ADGRA3: variants seen among roughly 807,000 people sequenced by gnomAD.
ADGRA3 encodes the protein G-protein coupled receptor 125.
In ADGRA3, 56 loss-of-function variants were observed where a neutral mutation model predicts 119.8. The observed-to-expected ratio is 0.47, with a 90% confidence interval of 0.38 to 0.58. ADGRA3 has a LOEUF of 0.58. Ranked by LOEUF, ADGRA3 falls within the 20% of genes least tolerant of loss-of-function variation. The pLI, the probability that ADGRA3 is intolerant of heterozygous loss-of-function variation, is 0.00. For synonymous variants in ADGRA3, 607 were observed against 623.8 expected, an observed-to-expected ratio of 0.97 and a Z score of 0.40; for missense variants, 1,516 against 1,649.0, an observed-to-expected ratio of 0.92 and a Z score of 1.40.
intron 10 of ADGRA3, among the ~76,000 whole-genome samples, chr4:22,434,292 CTTA>C (rs1397892222): frequency 6.6e-6 from 1 of 150,688 alleles, no homozygotes; most frequent in Non-Finnish European, 1.5e-5. Flanking sequence ...GAAAATAAGG[CTTA>C]TTATTTACAT....
chr4:22,494,857 A>AC (rs529953654), intron 1 of ADGRA3, among the ~76,000 whole-genome samples: 54 of 151,842 alleles, frequency 3.6e-4, no homozygotes, highest in South Asian at 3.3e-3. Flanking sequence ...ATTTCAGTAG[A>AC]CCCCCCTTAT....
At chr4:22,428,503 TAAC>T (rs1716031978) in intron 10 of ADGRA3, among the ~76,000 whole-genome samples, 1 of 152,216 alleles carries the variant, frequency 6.6e-6, no homozygotes, top group African/African-American at 2.4e-5. Context: ...TTGTTCATTC[TAAC>T]AACCAGAAAA....
chr4:22,437,359 A>C (rs1577348246), intron 8 of ADGRA3, among the ~76,000 whole-genome samples: 1 of 152,332 alleles, frequency 6.6e-6, no homozygotes, highest in East Asian at 1.9e-4. Context: ...TGGATTTAAA[A>C]GATTAACACC....
rs949972678 is a variant in ADGRA3, at chr4:22,402,020, G to A, written c.2358-466C>T. ...TAAAATGTTGAAGTCTTTCTTTTTAGTAATATATATCAAAATCTCCTTTTG... is the reference window on the plus strand; with the variant it reads ...TAAAATGTTGAAGTCTTTCTTTTTAATAATATATATCAAAATCTCCTTTTG... On this transcript the variant is annotated intron_variant, in intron 15 of 18. Coordinates refer to ENST00000334304, the MANE Select transcript of ADGRA3 (RefSeq NM_145290.4). Among the ~76,000 whole-genome samples the A allele has an allele frequency of 2.0e-5, 3 of 152,150 alleles. No individual in the cohort carries two copies. The South Asian group carries it at 6.2e-4, about 32-fold the overall frequency.
Position 22,461,740 on chromosome 4 carries a change from C to T in ADGRA3, c.398G>A (p.Arg133Lys). Reference sequence around the variant, plus strand: ...AGCAAGCAATTCAAACACTTACAATCTTTTTAGAGATGACAGTCCCCAGAA... The same window carrying T: ...AGCAAGCAATTCAAACACTTACAATTTTTTTAGAGATGACAGTCCCCAGAA... ...GAFWGLSSLKRLDLTNNRIGC... is the reference protein window; with the variant it reads ...GAFWGLSSLKKLDLTNNRIGC... Residue 133 changes from arginine to lysine, a missense_variant, in exon 3 of 19, where the codon AGA (arginine) becomes AAA (lysine). Physicochemically the swap from Arg to Lys is conservative, Grantham distance 26. Around this residue, in one of 2 missense-constraint regions of ADGRA3, gnomAD observed 428 missense variants for 541.9 expected, o/e 0.79. Coordinates refer to ENST00000334304, the MANE Select transcript of ADGRA3 (RefSeq NM_145290.4). 6.3e-7 allele frequency: 1 copy of T among 1,599,348 alleles called. No individual in the cohort carries two copies. Among genetic ancestry groups the T allele is most frequent in the Non-Finnish European group, 8.6e-7 (1 of 1,169,508 alleles).
intron 2 of ADGRA3, among the ~76,000 whole-genome samples, chr4:22,472,182 T>G (rs1217680020): frequency 1.3e-5 from 2 of 152,212 alleles, no homozygotes; most frequent in Non-Finnish European, 2.9e-5. Context: ...ACATACTAAA[T>G]GCCTGACACT....
chr4:22,504,956 C>T (rs1431395936), intron 1 of ADGRA3, among the ~76,000 whole-genome samples: 1 of 152,148 alleles, frequency 6.6e-6, no homozygotes, highest in Non-Finnish European at 1.5e-5. Flanking sequence ...GATTCAAACG[C>T]AAGGTTGAAA....
chr4:22,439,052 C>T (rs10022239), intron 7 of ADGRA3, among the ~76,000 whole-genome samples: 11,957 of 152,158 alleles, frequency 0.079, 553 homozygotes, highest in South Asian at 0.1. Context: ...GAAACATCGT[C>T]GTACATTCTT....
intron 1 of ADGRA3, among the ~76,000 whole-genome samples, chr4:22,506,039 G>A (rs944188563): frequency 6.6e-5 from 10 of 152,082 alleles, no homozygotes; most frequent in East Asian, 5.8e-4. Context: ...TGAAAGTTTC[G>A]GTCTTTGGCC....
At chr4:22,464,473 T>TA in intron 2 of ADGRA3, among the ~76,000 whole-genome samples, 1 of 152,250 alleles carries the variant, frequency 6.6e-6, no homozygotes, top group African/African-American at 2.4e-5. Context: ...TAACTTGGAG[T>TA]AAAAAGACGG....
intron 7 of ADGRA3, among the ~76,000 whole-genome samples, chr4:22,442,409 A>G (rs912430047): frequency 2.6e-5 from 4 of 152,178 alleles, no homozygotes; most frequent in Admixed American, 1.3e-4. Flanking sequence ...AAACTTTAAA[A>G]AAGTCTTCAA....
Position 22,402,715 on chromosome 4 carries a change from A to G in ADGRA3, c.2317T>C (p.Cys773Arg), listed in dbSNP as rs1309299292. ...TAACTGACAATGACGGCTAAGAGAC[A>G]TAAGAGGAGAATGATAGCGGTAGTA... ...VYTTAIILLL[C>R]LLAVIVSYIY... is the part of the protein sequence containing the mutation. The change falls in exon 15 of 19, where the codon TGT becomes CGT. Residue 773 changes from cysteine (C) to arginine (R), a missense_variant. Coordinates refer to ENST00000334304, the MANE Select transcript of ADGRA3 (RefSeq NM_145290.4). 6 of 1,613,790 alleles carry G rather than the reference A, an allele frequency of 3.7e-6. No homozygotes were observed. Among genetic ancestry groups the G allele is most frequent in the East Asian group, 2.2e-5 (1 of 44,882 alleles).
chr4:22,419,116 A>G (rs1715546086), intron 12 of ADGRA3, among the ~76,000 whole-genome samples: 1 of 152,124 alleles, frequency 6.6e-6, no homozygotes, highest in Non-Finnish European at 1.5e-5. Flanking sequence ...AAGCAAATCA[A>G]GGAGGCACCT....
chr4:22,470,514 C>A (rs1242539099), intron 2 of ADGRA3, among the ~76,000 whole-genome samples: 4 of 152,166 alleles, frequency 2.6e-5, no homozygotes, highest in African/African-American at 9.7e-5. Context: ...TTCTGTATGA[C>A]TTGGCTCCTA....
chr4:22,401,337 A>C, intron 16 of ADGRA3, 94 bp downstream of exon 16: 1 of 1,084,554 alleles, frequency 9.2e-7, no homozygotes, highest in South Asian at 2.0e-5. Flanking sequence ...GTTAAAGAAA[A>C]GGTATTAAAG....
At chr4:22,446,084 G>T (rs181987131) in intron 5 of ADGRA3, among the ~76,000 whole-genome samples, 23 of 152,304 alleles carry the variant, frequency 1.5e-4, no homozygotes, top group Admixed American at 5.9e-4. Context: ...TCAACAAAGT[G>T]CAATAATGTT....
Position 22,392,528 on chromosome 4 carries a change from A to T in ADGRA3, c.2627+17T>A. On this transcript the variant is annotated intron_variant, in intron 17 of 18. Coordinates refer to ENST00000334304, the MANE Select transcript of ADGRA3 (RefSeq NM_145290.4). ...GAAAGCAAACAAAACAATTAATACA[A>T]CAAAGATATGAGATACCTGAGCATT... 1.2e-6 allele frequency: 2 copies of T among 1,611,104 alleles called. No homozygotes were observed. The highest frequency in any genetic ancestry group is 1.7e-6 in the Non-Finnish European group (2 of 1,178,934).
intron 1 of ADGRA3, among the ~76,000 whole-genome samples, chr4:22,480,686 G>A (rs61793364): frequency 0.076 from 11,611 of 151,962 alleles, 602 homozygotes; most frequent in African/African-American, 0.15. Context: ...TACTTATACA[G>A]CAAAATTATT....
At chr4:22,434,287 T>C (rs1277558639) in intron 10 of ADGRA3, among the ~76,000 whole-genome samples, 2 of 150,822 alleles carry the variant, frequency 1.3e-5, no homozygotes, top group African/African-American at 4.9e-5. Context: ...TTCAGGAAAA[T>C]AAGGCTTATT....
Sources: allele counts gnomAD v4.1 joint callset (sites outside exome capture counted in the v4.1 genomes callset), GRCh38; gene constraint gnomAD v4.1.1; regional missense constraint gnomAD v4.1.1; transcripts MANE v1.5; gene names NCBI Gene and HGNC (gene_info 2026-07-23, HGNC 2026-07-21).